EBF1: variants seen among roughly 807,000 people sequenced by gnomAD.
EBF1 encodes the protein EBF transcription factor 1, also known as transcription factor COE1.
In EBF1, 10 loss-of-function variants were observed where a neutral mutation model predicts 68.4. That is an observed-to-expected ratio of 0.15 (90% confidence interval 0.09 to 0.25). The LOEUF is 0.25. EBF1 is among the 10% of genes least tolerant of loss of function. The pLI is 1.00. For synonymous variants in EBF1, 298 were observed against 299.8 expected (o/e 0.99, Z 0.06); for missense variants, 509 against 794.4 (o/e 0.64, Z 4.32).
intron 9 of EBF1, among the ~76,000 whole-genome samples, chr5:158,783,814 C>T (rs145826357): frequency 6.6e-6 from 1 of 152,328 alleles, no homozygotes; most frequent in African/African-American, 2.4e-5. Context: ...AGAGAGAATG[C>T]ATGGTAGTTC....
chr5:158,961,167 G>A (rs1818116354), intron 6 of EBF1, among the ~76,000 whole-genome samples: 1 of 151,996 alleles, frequency 6.6e-6, no homozygotes, highest in African/African-American at 2.4e-5. Flanking sequence ...TTCTAAATGA[G>A]GTCCTTTGAG....
At chr5:158,841,671 C>A (rs17056298) in intron 6 of EBF1, among the ~76,000 whole-genome samples, 1 of 152,136 alleles carries the variant, frequency 6.6e-6, no homozygotes, top group Admixed American at 6.5e-5. Flanking sequence ...CACTGGGATC[C>A]TCTATAACAA....
intron 5 of EBF1, 95 bp from the exon 6 acceptor site, chr5:159,073,559 C>A (rs757514892): frequency 5.8e-5 from 77 of 1,337,022 alleles, no homozygotes; most frequent in Non-Finnish European, 7.6e-5. Context: ...GTTGCAAATG[C>A]TAGAATTACC....
At chr5:159,075,185 T>C (rs958026202) in intron 5 of EBF1, among the ~76,000 whole-genome samples, 3 of 152,180 alleles carry the variant, frequency 2.0e-5, no homozygotes, top group Non-Finnish European at 4.4e-5. Context: ...TACCTCTAAA[T>C]GCCAGGGAAC....
intron 6 of EBF1, among the ~76,000 whole-genome samples, chr5:158,925,043 A>G (rs1330726145): frequency 2.6e-5 from 4 of 152,062 alleles, no homozygotes; most frequent in Middle Eastern, 3.4e-3. Flanking sequence ...CTGTTCCTCA[A>G]ATAAACTAAA....
At chr5:158,729,457 C>A (rs1763633703) in intron 11 of EBF1, among the ~76,000 whole-genome samples, 1 of 152,150 alleles carries the variant, frequency 6.6e-6, no homozygotes, top group South Asian at 2.1e-4. Flanking sequence ...AGGCACCTAC[C>A]ATTAGTCAGA....
chr5:159,068,963 A>G (rs937434752), intron 6 of EBF1, among the ~76,000 whole-genome samples: 4 of 152,138 alleles, frequency 2.6e-5, no homozygotes, highest in Non-Finnish European at 5.9e-5. Flanking sequence ...ACACATAGAT[A>G]CAGGAATTCT....
At chr5:158,714,411 C>T (rs1398444792) in intron 11 of EBF1, among the ~76,000 whole-genome samples, 1 of 152,178 alleles carries the variant, frequency 6.6e-6, no homozygotes, top group Non-Finnish European at 1.5e-5. Flanking sequence ...TAAAATACAT[C>T]ACTCAATAGT....
intron 6 of EBF1, among the ~76,000 whole-genome samples, chr5:158,844,576 A>AGACAT (rs1315489670): frequency 4.6e-5 from 7 of 152,222 alleles, no homozygotes; most frequent in African/African-American, 1.4e-4. Context: ...AGGCATCAGA[A>AGACAT]GACATGACAA....
intron 10 of EBF1, among the ~76,000 whole-genome samples, chr5:158,757,336 T>G (rs1009754141): frequency 6.6e-6 from 1 of 152,150 alleles, no homozygotes; most frequent in Non-Finnish European, 1.5e-5. Context: ...TAGCCTCCCT[T>G]CTACTGCATC....
intron 6 of EBF1, among the ~76,000 whole-genome samples, chr5:158,854,297 C>T (rs2128007168): frequency 6.6e-6 from 1 of 152,290 alleles, no homozygotes; most frequent in African/African-American, 2.4e-5. Context: ...AATGGGACTC[C>T]TCTCATTAAA....
chr5:159,074,626 G>A (rs1183334021), intron 5 of EBF1, among the ~76,000 whole-genome samples: 2 of 152,202 alleles, frequency 1.3e-5, no homozygotes. Context: ...ATATACTCCT[G>A]CGTAGGGAGT....
intron 6 of EBF1, among the ~76,000 whole-genome samples, chr5:158,911,656 T>G (rs903750667): frequency 3.9e-5 from 6 of 152,082 alleles, no homozygotes; most frequent in Admixed American, 6.5e-5. Context: ...AATCATCATC[T>G]CTTAAAAGCC....
At chr5:159,004,711 C>T (rs1763223658) in intron 6 of EBF1, among the ~76,000 whole-genome samples, 1 of 152,148 alleles carries the variant, frequency 6.6e-6, no homozygotes, top group African/African-American at 2.4e-5. Flanking sequence ...CTGGAAGTCT[C>T]TGCATCCACT....
At chr5:158,989,677 A>G (rs1242248839) in intron 6 of EBF1, among the ~76,000 whole-genome samples, 4 of 152,172 alleles carry the variant, frequency 2.6e-5, no homozygotes, top group African/African-American at 9.7e-5. Context: ...TGACTTCAAA[A>G]CTTTCACTCT....
At chr5:159,047,279 T>C (rs545497879) in intron 6 of EBF1, among the ~76,000 whole-genome samples, 197 of 152,216 alleles carry the variant, frequency 1.3e-3, no homozygotes, top group African/African-American at 4.1e-3. Context: ...AGCAGATGAG[T>C]AAGAAAGTTG....
chr5:158,714,004 T>G (rs1760057809), intron 12 of EBF1, 113 bp downstream of exon 12: 1 of 1,103,384 alleles, frequency 9.1e-7, no homozygotes, highest in Non-Finnish European at 1.4e-6. Flanking sequence ...ACTTATACTC[T>G]TAACTCATGC....
intron 6 of EBF1, among the ~76,000 whole-genome samples, chr5:158,951,778 C>T (rs180785303): frequency 5.3e-4 from 80 of 152,254 alleles, no homozygotes; most frequent in Non-Finnish European, 5.9e-4. Context: ...TTATCCACTA[C>T]GAAGAGTATC....
chr5:158,875,060 C>CACAT (rs1554171687), intron 6 of EBF1, among the ~76,000 whole-genome samples: 2 of 148,744 alleles, frequency 1.3e-5, no homozygotes, highest in African/African-American at 2.5e-5. Context: ...CACACATACA[C>CACAT]ACACACACAC....
Sources: gnomAD v4.1 joint callset for allele counts (sites outside exome capture counted in the v4.1 genomes callset) on GRCh38, gnomAD v4.1.1 for gene constraint, MANE v1.5 for transcripts, NCBI Gene and HGNC (gene_info 2026-07-23, HGNC 2026-07-21) for gene names.